SH3KBP1: variants seen among roughly 807,000 people sequenced by gnomAD.
The protein encoded by SH3KBP1 is SH3 domain containing kinase binding protein 1, also known as SH3 domain-containing kinase-binding protein 1.
In SH3KBP1, 8 loss-of-function variants were observed where a neutral mutation model predicts 50.1. That is an observed-to-expected ratio of 0.16 (90% CI 0.09 to 0.29). The LOEUF (loss-of-function observed/expected upper bound fraction) is 0.29. SH3KBP1 is among the 10% of genes least tolerant of loss of function. The probability of loss-of-function intolerance (pLI) is 1.00; values close to 1 mark genes in which losing one functional copy is unlikely to be tolerated. For synonymous variants in SH3KBP1, 227 were observed against 218.6 expected (o/e 1.04, Z -0.34); for missense variants, 377 against 535.2 (o/e 0.70, Z 2.92).
intron 3 of SH3KBP1, among the ~76,000 whole-genome samples, chrX:19,739,011 C>CAA (rs1423022140): frequency 2.2e-5 from 1 of 44,745 alleles, no homozygotes; most frequent in African/African-American, 1.1e-4. Flanking sequence ...ACTCTGCCTC[C>CAA]AAGAAAAAAA....
chrX:19,652,068 C>T (rs2062142835), intron 6 of SH3KBP1, among the ~76,000 whole-genome samples: 1 of 111,355 alleles, frequency 9.0e-6, no homozygotes, highest in African/African-American at 3.3e-5. Context: ...TTAGCACCTA[C>T]CACAACAGGC....
chrX:19,563,613 G>A (rs2065747816), intron 13 of SH3KBP1, among the ~76,000 whole-genome samples: 1 of 112,271 alleles, frequency 8.9e-6, no homozygotes, highest in Admixed American at 9.4e-5. Flanking sequence ...GAAATGTATA[G>A]TGCTTTTCAG....
At position 19,534,237 on chromosome X, in the gene SH3KBP1, T is replaced by G. The variant is rs974045201; in HGVS notation, c.*2180A>C. The stretch of plus-strand genomic sequence containing the variant: ...CGTCCAGTTCCTTGATGCAGAATCC[T>G]CTTGCTGGGTAGCCCGAGGGGCCGC... On this transcript the variant is annotated 3_prime_UTR_variant, in exon 18 of 18. Transcript: ENST00000397821. 1 of 109,772 alleles carries G rather than the reference T, an allele frequency of 9.1e-6. No homozygotes were observed. The highest frequency in any genetic ancestry group is 1.9e-5 in the Non-Finnish European group (1 of 52,602). 9.0% of individuals were successfully genotyped at this position (109,772 alleles called of 1,213,427 possible).
chrX:19,867,191 G>A (rs1172617800), intron 1 of SH3KBP1, among the ~76,000 whole-genome samples: 1 of 111,455 alleles, frequency 9.0e-6, no homozygotes, highest in Non-Finnish European at 1.9e-5. Flanking sequence ...GGAAACTAGT[G>A]CTCACAGAGC....
chrX:19,607,006 G>A (rs1334437362), intron 9 of SH3KBP1, among the ~76,000 whole-genome samples: 2 of 112,820 alleles, frequency 1.8e-5, no homozygotes, highest in African/African-American at 6.4e-5. Flanking sequence ...CTTGGCAGGC[G>A]CCAACACCAT....
At chrX:19,670,284 T>C in intron 6 of SH3KBP1, 1 of 690,086 alleles carries the variant, frequency 1.4e-6, no homozygotes, top group Non-Finnish European at 1.7e-6. Flanking sequence ...AAAAAAGCAG[T>C]TCAATAGCAC....
At chrX:19,734,524 CTTTA>C (rs766489759) in intron 3 of SH3KBP1, among the ~76,000 whole-genome samples, 1 of 111,743 alleles carries the variant, frequency 8.9e-6, no homozygotes, top group Admixed American at 9.5e-5. Context: ...TTTTTAATAG[CTTTA>C]TTGAGATATA....
At chrX:19,784,633 A>G (rs2147135258) in intron 2 of SH3KBP1, among the ~76,000 whole-genome samples, 1 of 110,897 alleles carries the variant, frequency 9.0e-6, no homozygotes, top group South Asian at 3.8e-4. Flanking sequence ...TTTTTTAGAC[A>G]GAGTCTCACT....
At chrX:19,542,561 C>G (rs748660164) in intron 15 of SH3KBP1, among the ~76,000 whole-genome samples, 6 of 111,489 alleles carry the variant, frequency 5.4e-5, no homozygotes, top group East Asian at 5.7e-4. Context: ...GGGGCGCAGA[C>G]AGACAGACAG....
intron 6 of SH3KBP1, among the ~76,000 whole-genome samples, chrX:19,668,288 A>G (rs754796751): frequency 1.6e-4 from 16 of 100,847 alleles, no homozygotes; most frequent in African/African-American, 4.4e-4. Context: ...GGGTGGATCA[A>G]CTGAGGTCAG....
chrX:19,816,988 A>G (rs897536242), intron 2 of SH3KBP1, among the ~76,000 whole-genome samples: 1 of 111,403 alleles, frequency 9.0e-6, no homozygotes, highest in Non-Finnish European at 1.9e-5. Context: ...TTTTTTGTCT[A>G]TGGATGTCCA....
chrX:19,787,758 C>T (rs2066393865), intron 2 of SH3KBP1, among the ~76,000 whole-genome samples: 1 of 111,680 alleles, frequency 9.0e-6, no homozygotes, highest in African/African-American at 3.3e-5. Context: ...TAATTTTACT[C>T]TGCAATCTAT....
At chrX:19,764,986 C>CTTTTTTT (rs34368819) in intron 2 of SH3KBP1, among the ~76,000 whole-genome samples, 1 of 44,551 alleles carries the variant, frequency 2.2e-5, no homozygotes. Flanking sequence ...TTTTGCAGTT[C>CTTTTTTT]TTTTTTTTTT....
chrX:19,544,875 C>T (rs1391374023), intron 15 of SH3KBP1, among the ~76,000 whole-genome samples: 1 of 111,624 alleles, frequency 9.0e-6, no homozygotes, highest in Non-Finnish European at 1.9e-5. Context: ...ACCACGAAAA[C>T]CCACTGTCCA....
chrX:19,671,499 T>A (rs1458145162), intron 6 of SH3KBP1, among the ~76,000 whole-genome samples: 2 of 111,327 alleles, frequency 1.8e-5, no homozygotes, highest in East Asian at 2.8e-4. Context: ...ATCAGGAGCA[T>A]CCTAACAGGT....
At chrX:19,734,402 GGAAT>G (rs1242739273) in intron 3 of SH3KBP1, among the ~76,000 whole-genome samples, 1 of 112,011 alleles carries the variant, frequency 8.9e-6, no homozygotes, top group Non-Finnish European at 1.9e-5. Flanking sequence ...TTGAATAAAT[GGAAT>G]GACACATCTT....
In SH3KBP1 at chrX:19,703,142, G is replaced by C. The variant is rs1041497254; in HGVS notation, c.390+3739C>G. Among the ~76,000 whole-genome samples, 3 of 111,905 alleles carry C rather than the reference G, an allele frequency of 2.7e-5. No individual in the cohort carries two copies. In the East Asian group the frequency reaches 8.4e-4, roughly 31 times the overall value. On this transcript the variant is annotated intron_variant, in intron 4 of 17. Coordinates refer to ENST00000397821, the MANE Select transcript of SH3KBP1 (RefSeq NM_031892.3). ...CTGAGCATTCAGGGCTGGTAGACTC[G>C]CTCCTGCCAGGTGAGCAAGCTGTTC...
intron 15 of SH3KBP1, 52 bp downstream of exon 15, chrX:19,545,870 T>C (rs1000530786): frequency 8.4e-7 from 1 of 1,183,572 alleles, no homozygotes; most frequent in Non-Finnish European, 1.1e-6. Context: ...TAACCCATCA[T>C]TAGCACATGC....
At chrX:19,765,539 T>C (rs188685268) in intron 2 of SH3KBP1, among the ~76,000 whole-genome samples, 7 of 111,720 alleles carry the variant, frequency 6.3e-5, no homozygotes, top group Non-Finnish European at 9.4e-5. Context: ...CCTCCCTTTT[T>C]AAAAAAAATT....
Sources: allele counts gnomAD v4.1 joint callset (sites outside exome capture counted in the v4.1 genomes callset), GRCh38; gene constraint gnomAD v4.1.1; transcripts MANE v1.5; gene names NCBI Gene and HGNC (gene_info 2026-07-23, HGNC 2026-07-21).